Variants in MTERF2 observed in about 807,000 individuals in gnomAD.
MTERF2 encodes mitochondrial transcription termination factor 2.
MTERF2 carries 23 observed loss-of-function variants against 29.2 expected under a neutral mutation model. That is an observed-to-expected ratio of 0.79 (90% CI 0.57 to 1.12). The LOEUF is 1.12. MTERF2 is among the 50% of genes most tolerant of loss of function. The pLI is 0.00. For missense variants in MTERF2, 440 were observed against 429.4 expected (o/e 1.02, Z -0.22); for synonymous variants, 157 against 159.5 (o/e 0.98, Z 0.12).
Position 106,978,138 on chromosome 12 carries a change from C to G in MTERF2, c.577G>C (p.Glu193Gln), listed in dbSNP as rs766655833. The change falls in exon 3 of 3, where the codon GAG (glutamate) becomes CAG (glutamine). Residue 193 changes from glutamate (E) to glutamine (Q), a missense_variant. Glu to Gln is a conservative substitution (Grantham distance 29, BLOSUM62 2). Transcript: ENST00000240050. Reference protein sequence around the residue: ...KNKQMVRILQESYLDVGGSEA... With the variant: ...KNKQMVRILQQSYLDVGGSEA... ...GAGCCACCTACATCTAGATAACTCTCTTGGAGAATTCTTACCATTTGCTTA... is the reference window on the plus strand; with the variant it reads ...GAGCCACCTACATCTAGATAACTCTGTTGGAGAATTCTTACCATTTGCTTA... 4 of 1,614,104 alleles carry G rather than the reference C, an allele frequency of 2.5e-6. No individual in the cohort carries two copies. The highest frequency in any genetic ancestry group is 3.4e-6 in the Non-Finnish European group (4 of 1,180,020).
Position 106,977,478 on chromosome 12 carries a change from C to A in MTERF2, c.*79G>T. The A allele has an allele frequency of 7.3e-7, 1 of 1,372,004 alleles. No individual in the cohort carries two copies. Among genetic ancestry groups the A allele is most frequent in the South Asian group, 1.4e-5 (1 of 69,960 alleles). 85.0% of individuals were successfully genotyped at this position (1,372,004 alleles called of 1,614,324 possible). A position where few individuals can be genotyped will look rare whatever the true frequency, so the allele number is the denominator to read the frequency against. On this transcript the variant is annotated 3_prime_UTR_variant, in exon 3 of 3. Coordinates refer to ENST00000240050, the MANE Select transcript of MTERF2 (RefSeq NM_001033050.3). Reference sequence around the variant, plus strand: ...AGCAGGTTCTTAAAATTACTGGTGTCTACAAACTGCCTGAATTTTTGTCTT... The same window carrying A: ...AGCAGGTTCTTAAAATTACTGGTGTATACAAACTGCCTGAATTTTTGTCTT...
intron 2 of MTERF2, 31 bp downstream of exon 2, chr12:106,985,084 A>C (rs903361131): frequency 6.6e-6 from 1 of 152,162 alleles, no homozygotes; most frequent in African/African-American, 2.4e-5. Context: ...CTCACCTTCA[A>C]GGCTTGGTTC....
chr12:106,986,749 C>T (rs1952122830), intron 1 of MTERF2: 1 of 152,264 alleles, frequency 6.6e-6, no homozygotes, highest in African/African-American at 2.4e-5. Context: ...CTGCCAGTTT[C>T]AAATTGACCA....
intron 2 of MTERF2, among the ~76,000 whole-genome samples, chr12:106,981,568 C>T (rs1016639860): frequency 7.9e-5 from 12 of 152,122 alleles, no homozygotes; most frequent in South Asian, 4.1e-4. Context: ...CCAGGCTGGA[C>T]GGAGTACAGT....
At chr12:106,983,757 T>C (rs1430776747) in intron 2 of MTERF2, among the ~76,000 whole-genome samples, 1 of 152,190 alleles carries the variant, frequency 6.6e-6, no homozygotes, top group Non-Finnish European at 1.5e-5. Context: ...TCCTTTATCA[T>C]ATGTTAAATG....
Position 106,978,334 on chromosome 12 carries a change from T to C in MTERF2, c.381A>G (p.Glu127=). Residue 127 remains glutamate, a synonymous_variant, in exon 3 of 3, where the codon GAA becomes GAG. Coordinates refer to ENST00000240050, the MANE Select transcript of MTERF2 (RefSeq NM_001033050.3). The part of the protein sequence containing the change: ...KLWQLVCKNE[E]ELIKLIEQFP... Reference sequence around the variant, plus strand: ...ACTGCTCTATTAACTTGATTAACTCTTCCTCATTTTTGCAGACCAACTGCC... The same window carrying C: ...ACTGCTCTATTAACTTGATTAACTCCTCCTCATTTTTGCAGACCAACTGCC... 6.2e-7 allele frequency: 1 copy of C among 1,614,200 alleles called. No homozygotes were observed. The highest frequency in any genetic ancestry group is 8.5e-7 in the Non-Finnish European group (1 of 1,180,040).
At chr12:106,980,085 A>T (rs1385216220) in intron 2 of MTERF2, among the ~76,000 whole-genome samples, 1 of 152,006 alleles carries the variant, frequency 6.6e-6, no homozygotes, top group Non-Finnish European at 1.5e-5. Flanking sequence ...TTTAGTAGAG[A>T]CGAGGTTTCA....
intron 2 of MTERF2, among the ~76,000 whole-genome samples, chr12:106,979,986 C>G (rs757563709): frequency 6.6e-6 from 1 of 152,172 alleles, no homozygotes; most frequent in East Asian, 1.9e-4. Context: ...CAACCTCCAC[C>G]TCCCAAGTTC....
At chr12:106,982,415 C>T (rs1566233476) in intron 2 of MTERF2, among the ~76,000 whole-genome samples, 1 of 152,324 alleles carries the variant, frequency 6.6e-6, no homozygotes, top group East Asian at 1.9e-4. Context: ...GATGAGTCGT[C>T]TTTACTAGTT....
intron 2 of MTERF2, among the ~76,000 whole-genome samples, chr12:106,983,826 G>A (rs544499223): frequency 3.9e-5 from 6 of 152,010 alleles, no homozygotes; most frequent in Admixed American, 2.6e-4. Flanking sequence ...TTCCCCAAAG[G>A]GGCCAAGAGG....
intron 2 of MTERF2, among the ~76,000 whole-genome samples, chr12:106,979,746 G>A (rs1387624773): frequency 6.6e-6 from 1 of 152,168 alleles, no homozygotes; most frequent in African/African-American, 2.4e-5. Flanking sequence ...CTTGACATGT[G>A]TAGGTATCTT....
chr12:106,985,819 G>A (rs141712063), intron 1 of MTERF2: 1 of 152,198 alleles, frequency 6.6e-6, no homozygotes, highest in South Asian at 2.1e-4. Context: ...GTTGCTGTTT[G>A]TTTGAAGTTC....
chr12:106,985,414 GT>G (rs1952100126), intron 1 of MTERF2, 189 bp from the exon 2 acceptor site: 1 of 152,234 alleles, frequency 6.6e-6, no homozygotes, highest in South Asian at 2.1e-4. Context: ...TTTGAAGACT[GT>G]GGGCCAGATT....
chr12:106,978,446 T>C lies in MTERF2; in HGVS notation c.269A>G (p.Asp90Gly), dbSNP rs371972131. 6.2e-7 allele frequency: 1 copy of C among 1,614,124 alleles called. No homozygotes were observed. The highest frequency in any genetic ancestry group is 1.3e-5 in the African/African-American group (1 of 74,942). Residue 90 changes from aspartate to glycine, a missense_variant, in exon 3 of 3, where the codon GAT (aspartate) becomes GGT (glycine). Asp to Gly is a moderately conservative substitution (Grantham distance 94, BLOSUM62 -1). Coordinates refer to ENST00000240050, the MANE Select transcript of MTERF2 (RefSeq NM_001033050.3). ...CAAAATACTGGCTACAGCAGTCTCA[T>C]CGGCACCTAGTTCTTGTAAAATATT... ...IANILQELGA[D>G]ETAVASILER...
At chr12:106,982,246 A>G (rs2136797866) in intron 2 of MTERF2, among the ~76,000 whole-genome samples, 1 of 152,214 alleles carries the variant, frequency 6.6e-6, no homozygotes, top group Middle Eastern at 3.4e-3. Context: ...AAGATAGTGT[A>G]TTACTGGTCT....
chr12:106,984,612 G>A (rs1437736643), intron 2 of MTERF2, among the ~76,000 whole-genome samples: 4 of 152,104 alleles, frequency 2.6e-5, no homozygotes, highest in Non-Finnish European at 5.9e-5. Context: ...GTTGTGGGAG[G>A]AACCCAGTGG....
rs556341726 is a variant in MTERF2 at position 106,977,618 on chromosome 12, A to C, written c.1097T>G (p.Ile366Ser). 48 of 1,613,640 alleles carry C rather than the reference A, an allele frequency of 3.0e-5. 1 individual carries two copies. In the South Asian group the frequency reaches 4.9e-4, roughly 17 times the overall value. Residue 366 changes from isoleucine (I) to serine (S), a missense_variant, in exon 3 of 3, where the codon ATT becomes AGT. Physicochemically the swap from Ile to Ser is moderately radical, Grantham distance 142 (BLOSUM62 -2). Coordinates refer to ENST00000240050, the MANE Select transcript of MTERF2 (RefSeq NM_001033050.3). ...TAATGGCCTTACTTTTTTGGCCTGAATTTTGCCAAAATTAGCTTCAAACTC... is the reference window on the plus strand; with the variant it reads ...TAATGGCCTTACTTTTTTGGCCTGACTTTTGCCAAAATTAGCTTCAAACTC... Reference protein sequence around the residue: ...KKEFEANFGKIQAKKVRPLFN... With the variant: ...KKEFEANFGKSQAKKVRPLFN...
In MTERF2 at chr12:106,978,597, G is replaced by C. The variant is rs756938409; in HGVS notation, c.118C>G (p.Gln40Glu). ...LACFTYTTDK[Q>E]SSKENTRTVE... is the part of the protein sequence containing the mutation. ...GTTCTTGTATTTTCTTTGCTCGACT[G>C]TTTATCAGTTGTATAGGTGAAGCAT... Residue 40 changes from glutamine to glutamate, a missense_variant, in exon 3 of 3, where the codon CAG becomes GAG. Transcript: ENST00000240050. The C allele has an allele frequency of 3.1e-6, 5 of 1,614,136 alleles. No individual in the cohort carries two copies. Among genetic ancestry groups the C allele is most frequent in the Non-Finnish European group, 4.2e-6 (5 of 1,180,020 alleles).
At chr12:106,986,542 C>T (rs1208750542) in intron 1 of MTERF2, 2 of 151,932 alleles carry the variant, frequency 1.3e-5, no homozygotes, top group African/African-American at 2.4e-5. Context: ...CTGCTCTTAG[C>T]CCTGTGCCCC....
Sources: gnomAD v4.1 joint callset for allele counts (sites outside exome capture counted in the v4.1 genomes callset) on GRCh38, gnomAD v4.1.1 for gene constraint, MANE v1.5 for transcripts, NCBI Gene and HGNC (gene_info 2026-07-23, HGNC 2026-07-21) for gene names.